The following TLR3 variants were observed in gnomAD, a reference collection of about 807,000 sequenced individuals.
TLR3 encodes the protein toll-like receptor 3.
In TLR3, 43 loss-of-function variants were observed where a neutral mutation model predicts 66.4. That is an observed-to-expected ratio of 0.65 (90% CI 0.51 to 0.83). The LOEUF is 0.83. Ranked by LOEUF, TLR3 falls within the 40% of genes least tolerant of loss-of-function variation. The probability of loss-of-function intolerance (pLI) is 0.00; values close to 1 mark genes in which losing one functional copy is unlikely to be tolerated. For missense variants in TLR3, 982 were observed against 1,044.6 expected, an observed-to-expected ratio of 0.94 and a Z score of 0.83; for synonymous variants, 397 against 397.2, an observed-to-expected ratio of 1.00 and a Z score of 0.01.
Position 186,082,933 on chromosome 4 carries a change from A to T in TLR3, c.1247A>T (p.Lys416Met). The change falls in exon 4 of 5, where the codon AAG becomes ATG. Residue 416 changes from lysine to methionine, a missense_variant. Around this residue, in one of 3 missense-constraint regions of TLR3, gnomAD observed 666 missense variants for 709.0 expected, o/e 0.94. Transcript: ENST00000296795. ...CCCTTACACATACTCAACCTAACCAAGAATAAAATCTCAAAAATAGAGAGT... is the reference window on the plus strand; with the variant it reads ...CCCTTACACATACTCAACCTAACCATGAATAAAATCTCAAAAATAGAGAGT... ...HSPLHILNLT[K>M]NKISKIESDA... 6.2e-7 allele frequency: 1 copy of T among 1,614,208 alleles called. No individual in the cohort carries two copies. The highest frequency in any genetic ancestry group is 8.5e-7 in the Non-Finnish European group (1 of 1,180,040).
intron 1 of TLR3, among the ~76,000 whole-genome samples, 179 bp downstream of exon 1, chr4:186,069,427 G>T (rs1045781049): frequency 6.6e-6 from 1 of 152,158 alleles, no homozygotes; most frequent in Admixed American, 6.5e-5. Flanking sequence ...ATATGGGCAT[G>T]GGAGAAGGGT....
At chr4:186,070,530 G>T (rs2099301266) in intron 1 of TLR3, among the ~76,000 whole-genome samples, 2 of 151,774 alleles carry the variant, frequency 1.3e-5, no homozygotes, top group South Asian at 2.1e-4. Flanking sequence ...GACCACAGGT[G>T]TGAACCACTA....
At chr4:186,076,481 G>A (rs2099302471) in intron 1 of TLR3, 132 bp from the exon 2 acceptor site, 2 of 867,826 alleles carry the variant, frequency 2.3e-6, no homozygotes, top group Non-Finnish European at 3.8e-6. Context: ...TACTTGTATG[G>A]CATAAAACTA....
At chr4:186,070,357 CTTATT>C (rs952545648) in intron 1 of TLR3, among the ~76,000 whole-genome samples, 5 of 152,110 alleles carry the variant, frequency 3.3e-5, no homozygotes, top group South Asian at 2.1e-4. Flanking sequence ...ATTTCCCTAT[CTTATT>C]TTATTTTATT....
Position 186,083,732 on chromosome 4 carries a change from C to T in TLR3, c.2046C>T (p.His682=). ...ACTACCTTTGCAACACTCCACCTCA[C>T]TATCATGGGTTCCCAGTGAGACTTT... is the stretch of plus-strand genomic sequence containing the variant. ...SSHYLCNTPP[H]YHGFPVRLFD... Residue 682 remains histidine, a synonymous_variant, in exon 4 of 5, where the codon CAC becomes CAT. Transcript: ENST00000296795. The surrounding 1 kb of genome is among the most constrained non-coding windows in gnomAD (Gnocchi z 4.0). 1.2e-6 allele frequency: 2 copies of T among 1,612,846 alleles called. No individual in the cohort carries two copies. Among genetic ancestry groups the T allele is most frequent in the South Asian group, 2.2e-5 (2 of 90,636 alleles).
In TLR3 at chr4:186,078,743, A is replaced by G. The variant is rs530543703; in HGVS notation, c.442-97A>G. On this transcript the variant is annotated intron_variant, in intron 2 of 4. Transcript: ENST00000296795. ...TCTACAGAATAATAGAGAGGTGTTGATTTTGCTGTTGAAGTATTTTTCAGA... is the reference window on the plus strand; with the variant it reads ...TCTACAGAATAATAGAGAGGTGTTGGTTTTGCTGTTGAAGTATTTTTCAGA... The G allele has an allele frequency of 4.1e-6, 4 of 975,602 alleles. No homozygotes were observed. In the East Asian group the frequency reaches 1.0e-4, roughly 25 times the overall value. 60.4% of individuals were successfully genotyped at this position (975,602 alleles called of 1,614,324 possible). A position where few individuals can be genotyped will look rare whatever the true frequency, so the allele number is the denominator to read the frequency against.
chr4:186,083,268 G>A lies in TLR3; in HGVS notation c.1582G>A (p.Gly528Ser), dbSNP rs2099303833. The A allele has an allele frequency of 6.2e-7, 1 of 1,613,994 alleles. No individual in the cohort carries two copies. The highest frequency in any genetic ancestry group is 1.1e-5 in the South Asian group (1 of 91,078). ...CAACATAAATGATGACATGTTGGAG[G>A]GTCTTGAGAAACTAGAAATTCTCGA... is the stretch of plus-strand genomic sequence containing the variant. ...IANINDDMLEGLEKLEILDLQ... is the reference protein window; with the variant it reads ...IANINDDMLESLEKLEILDLQ... The change falls in exon 4 of 5, where the codon GGT (glycine) becomes AGT (serine). Residue 528 changes from glycine (G) to serine (S), a missense_variant. Physicochemically the swap from Gly to Ser is moderately conservative, Grantham distance 56. Around this residue, in one of 3 missense-constraint regions of TLR3, gnomAD observed 666 missense variants for 709.0 expected, o/e 0.94. Coordinates refer to ENST00000296795, the MANE Select transcript of TLR3 (RefSeq NM_003265.3). The surrounding 1 kb of genome is among the most constrained non-coding windows in gnomAD (Gnocchi z 4.0).
intron 1 of TLR3, among the ~76,000 whole-genome samples, chr4:186,071,350 G>A (rs2099301438): frequency 6.6e-6 from 1 of 152,148 alleles, no homozygotes; most frequent in South Asian, 2.1e-4. Context: ...CTACCAGAGG[G>A]GTACATCTCA....
At position 186,076,630 on chromosome 4, in the gene TLR3, CTT is replaced by C. The variant is rs1426283613; in HGVS notation, c.13_14del (p.Leu5AlafsTer26). 1.2e-6 allele frequency: 2 copies of C among 1,614,166 alleles called. No individual in the cohort carries two copies. Among genetic ancestry groups the C allele is most frequent in the African/African-American group, 1.3e-5 (1 of 75,058 alleles). ...TTCTACAGCAGAATCATGAGACAGACTTTGCCTTGTATCTACTTTTGGGGGGG... is the reference window on the plus strand; with the variant it reads ...TTCTACAGCAGAATCATGAGACAGACTGCCTTGTATCTACTTTTGGGGGGG... On this transcript the variant is annotated frameshift_variant, in exon 2 of 5. Transcript: ENST00000296795. LOFTEE classifies it high-confidence loss of function.
rs951849394 is a variant in TLR3 at position 186,086,439 on chromosome 4, T to C, written c.*1566T>C. The C allele has an allele frequency of 3.9e-5, 6 of 152,210 alleles. No individual in the cohort carries two copies. The highest frequency in any genetic ancestry group is 5.9e-5 in the Non-Finnish European group (4 of 68,036). The allele number at this position is 152,210 out of a possible 1,614,324, so 9.4% of individuals were successfully genotyped here. A position where few individuals can be genotyped will look rare whatever the true frequency, so the allele number is the denominator to read the frequency against. ...TTCCATGACCCTGGAATGAGAAATATCCACTGTACCTCTGGTTCTGAAGAG... is the reference window on the plus strand; with the variant it reads ...TTCCATGACCCTGGAATGAGAAATACCCACTGTACCTCTGGTTCTGAAGAG... On this transcript the variant is annotated 3_prime_UTR_variant, in exon 5 of 5. Transcript: ENST00000296795.
rs1407463145 is a variant in TLR3, at chr4:186,082,489, T to C, written c.803T>C (p.Phe268Ser). The change falls in exon 4 of 5, where the codon TTC becomes TCC. Residue 268 changes from phenylalanine (F) to serine (S), a missense_variant. Coordinates refer to ENST00000296795, the MANE Select transcript of TLR3 (RefSeq NM_003265.3). ...SQLSTTSNTT[F>S]LGLKWTNLTM... ...CTGTCCACCACCAGCAATACAACTT[T>C]CTTGGGACTAAAGTGGACAAATCTC... is the stretch of plus-strand genomic sequence containing the variant. 6.2e-7 allele frequency: 1 copy of C among 1,614,158 alleles called. No homozygotes were observed.
In TLR3 at chr4:186,078,973, A is replaced by G. The variant is rs775780260; in HGVS notation, c.575A>G (p.Asp192Gly). Residue 192 changes from aspartate to glycine, a missense_variant, in exon 3 of 5, where the codon GAT becomes GGT. This residue lies in a region of TLR3 where 313 missense variants were observed against 319.0 expected (regional missense o/e 0.98). Transcript: ENST00000296795. ...CAAGCGCTAAAAAGTGAAGAACTGG[A>G]TATCTTTGCCAATTCATCTTTAAAA... is the stretch of plus-strand genomic sequence containing the variant. Reference protein sequence around the residue: ...KIQALKSEELDIFANSSLKKL... With the variant: ...KIQALKSEELGIFANSSLKKL... 4.3e-6 allele frequency: 7 copies of G among 1,613,882 alleles called. No homozygotes were observed. The East Asian group carries it at 1.6e-4, about 36-fold the overall frequency.
chr4:186,076,108 T>C (rs1970870), intron 1 of TLR3, among the ~76,000 whole-genome samples: 150,744 of 152,296 alleles, frequency 0.99, 74,622 homozygotes, highest in East Asian at 1. Flanking sequence ...GAGCCGAGAT[T>C]GCACCATTGC....
chr4:186,072,057 A>G (rs2099301563), intron 1 of TLR3, among the ~76,000 whole-genome samples: 1 of 152,244 alleles, frequency 6.6e-6, no homozygotes, highest in Admixed American at 6.5e-5. Flanking sequence ...CTAAATGCCC[A>G]TGGAAAGCTA....
rs756525560 is a variant in TLR3 at position 186,082,702 on chromosome 4, C to G, written c.1016C>G (p.Ser339Cys). The change falls in exon 4 of 5, where the codon TCC (serine) becomes TGC (cysteine). Residue 339 changes from serine (S) to cysteine (C), a missense_variant. Ser to Cys is a moderately radical substitution (Grantham distance 112, BLOSUM62 -1). Around this residue, in one of 3 missense-constraint regions of TLR3, gnomAD observed 666 missense variants for 709.0 expected, o/e 0.94. Transcript: ENST00000296795. Reference sequence around the variant, plus strand: ...CGGTCTTTTACTAAACAAAGTATTTCCCTTGCCTCACTCCCCAAGATTGAT... The same window carrying G: ...CGGTCTTTTACTAAACAAAGTATTTGCCTTGCCTCACTCCCCAAGATTGAT... ...LKRSFTKQSI[S>C]LASLPKIDDF... 2 of 1,613,920 alleles carry G rather than the reference C, an allele frequency of 1.2e-6. No homozygotes were observed. Among genetic ancestry groups the G allele is most frequent in the Middle Eastern group, 1.6e-4 (1 of 6,084 alleles).
At chr4:186,084,249 C>A in intron 4 of TLR3, 77 bp downstream of exon 4, 3 of 1,422,986 alleles carry the variant, frequency 2.1e-6, no homozygotes, top group East Asian at 2.4e-5. Flanking sequence ...GAGATGGAGT[C>A]CTGCTCTGTT....
At chr4:186,070,375 A>G (rs79357622) in intron 1 of TLR3, among the ~76,000 whole-genome samples, 3,519 of 146,448 alleles carry the variant, frequency 0.024, 160 homozygotes, top group African/African-American at 0.083. Flanking sequence ...ATTTTATTTT[A>G]TTTCATTTTA....
In TLR3 at chr4:186,084,894, A is replaced by G. The variant is rs2099304119; in HGVS notation, c.*21A>G. 6.3e-7 allele frequency: 1 copy of G among 1,579,494 alleles called. No individual in the cohort carries two copies. Among genetic ancestry groups the G allele is most frequent in the Non-Finnish European group, 8.7e-7 (1 of 1,151,258 alleles). The stretch of plus-strand genomic sequence containing the variant: ...ATTAAATTTATTTAAATATTCAATT[A>G]GCAAAGGAGAAACTTTCTCAATTTA... On this transcript the variant is annotated 3_prime_UTR_variant, in exon 5 of 5. Coordinates refer to ENST00000296795, the MANE Select transcript of TLR3 (RefSeq NM_003265.3).
intron 1 of TLR3, among the ~76,000 whole-genome samples, chr4:186,075,218 C>T (rs1055013402): frequency 1.3e-5 from 2 of 152,154 alleles, no homozygotes; most frequent in Non-Finnish European, 2.9e-5. Context: ...TCACTACAAA[C>T]ATGTGAGGAA....
Sources: allele counts gnomAD v4.1 joint callset (sites outside exome capture counted in the v4.1 genomes callset), GRCh38; gene constraint gnomAD v4.1.1; regional missense constraint gnomAD v4.1.1; non-coding constraint Gnocchi (gnomAD v3.1); transcripts MANE v1.5; gene names NCBI Gene and HGNC (gene_info 2026-07-23, HGNC 2026-07-21).